KIF1B: variants seen among roughly 807,000 people sequenced by gnomAD.
KIF1B encodes the protein kinesin family member 1B.
KIF1B carries 76 observed loss-of-function variants against 241.9 expected under a neutral mutation model. The observed-to-expected ratio is 0.31, with a 90% confidence interval of 0.26 to 0.38. KIF1B has a LOEUF of 0.38. Ranked by LOEUF, KIF1B falls within the 10% of genes least tolerant of loss-of-function variation. The pLI is 1.00. For missense variants in KIF1B, 1,622 were observed against 2,271.4 expected (o/e 0.71, Z 5.81); for synonymous variants, 750 against 796.7 (o/e 0.94, Z 0.99).
At chr1:10,215,844 C>G (rs1469532500) in intron 1 of KIF1B, among the ~76,000 whole-genome samples, 1 of 152,188 alleles carries the variant, frequency 6.6e-6, no homozygotes, top group Non-Finnish European at 1.5e-5. Context: ...CCCCTGTGCC[C>G]AGCCCCATTG....
intron 7 of KIF1B, among the ~76,000 whole-genome samples, chr1:10,270,928 A>T (rs1310866201): frequency 2.0e-5 from 3 of 149,616 alleles, no homozygotes; most frequent in Non-Finnish European, 4.5e-5. Flanking sequence ...TCTGTCTCAA[A>T]AAAAAAAAAA....
intron 45 of KIF1B, 94 bp downstream of exon 45, chr1:10,371,356 A>G: frequency 1.4e-6 from 2 of 1,437,194 alleles, no homozygotes; most frequent in South Asian, 2.4e-5. Context: ...TGAAGGCAGC[A>G]CCTTCTCCCT....
At chr1:10,321,048 A>T (rs182919152) in intron 23 of KIF1B, among the ~76,000 whole-genome samples, 42 of 151,264 alleles carry the variant, frequency 2.8e-4, no homozygotes, top group Non-Finnish European at 5.7e-4. Context: ...TTCTCTCTGT[A>T]ACAGAAAAAA....
chr1:10,222,991 C>T (rs934734892), intron 1 of KIF1B, among the ~76,000 whole-genome samples: 14 of 152,178 alleles, frequency 9.2e-5, no homozygotes, highest in Non-Finnish European at 1.3e-4. Flanking sequence ...TGGTGGCTCA[C>T]GCCTGTAATC....
chr1:10,346,894 GC>G (rs1180690162), intron 35 of KIF1B, among the ~76,000 whole-genome samples: 1 of 152,086 alleles, frequency 6.6e-6, no homozygotes, highest in Non-Finnish European at 1.5e-5. Flanking sequence ...AGCATCCTTG[GC>G]CCCTACCCAC....
At chr1:10,295,192 T>G in intron 18 of KIF1B, 27 bp downstream of exon 18, 1 of 1,325,946 alleles carries the variant, frequency 7.5e-7, no homozygotes. Flanking sequence ...TTTTGGTCAC[T>G]TCGTGTGTTT....
intron 1 of KIF1B, among the ~76,000 whole-genome samples, chr1:10,225,663 G>A (rs1178769874): frequency 6.6e-6 from 1 of 152,158 alleles, no homozygotes; most frequent in Non-Finnish European, 1.5e-5. Flanking sequence ...AGGACACAGT[G>A]GGGAAAGGGA....
intron 22 of KIF1B, among the ~76,000 whole-genome samples, chr1:10,313,855 G>T (rs1414952519): frequency 2.7e-5 from 4 of 150,458 alleles, no homozygotes; most frequent in Admixed American, 2.6e-4. Context: ...TGGCCATTAG[G>T]ATTTCTTATA....
At position 10,271,392 on chromosome 1, in the gene KIF1B, T is replaced by G. The variant is rs41258245; in HGVS notation, c.721-110T>G. ...GTGCCATATTTAAAAGCTCTAATAC[T>G]TTTAGTTTTTTCCATACCTTAATCT... On this transcript the variant is annotated intron_variant, in intron 7 of 48. Transcript: ENST00000676179. 0.032 allele frequency: 26,386 copies of G among 816,210 alleles called. 572 individuals carry two copies. The highest frequency in any genetic ancestry group is 0.093 in the Middle Eastern group (415 of 4,474). The allele number at this position is 816,210 out of a possible 1,614,324, so 50.6% of individuals were successfully genotyped here.
intron 15 of KIF1B, 91 bp from the exon 16 acceptor site, chr1:10,290,991 T>C: frequency 1.0e-6 from 1 of 962,118 alleles, no homozygotes; most frequent in Non-Finnish European, 1.7e-6. Context: ...GCCTGTATCC[T>C]CAAAGGGCAT....
chr1:10,218,005 A>C (rs1646791225), intron 1 of KIF1B, among the ~76,000 whole-genome samples: 1 of 152,146 alleles, frequency 6.6e-6, no homozygotes, highest in Non-Finnish European at 1.5e-5. Flanking sequence ...GAAATGTGCA[A>C]GTCTTTCCTA....
chr1:10,297,132 C>CT (rs1650306218), intron 21 of KIF1B, 42 bp from the exon 22 acceptor site: 1 of 1,602,858 alleles, frequency 6.2e-7, no homozygotes, highest in African/African-American at 1.3e-5. Context: ...ACATGTAATA[C>CT]TAATAGCATT....
intron 4 of KIF1B, 89 bp downstream of exon 4, chr1:10,258,761 T>C: frequency 7.8e-7 from 1 of 1,287,222 alleles, no homozygotes; most frequent in Admixed American, 1.9e-5. Flanking sequence ...TGGCGAACAT[T>C]TATGCGGGGA....
intron 5 of KIF1B, among the ~76,000 whole-genome samples, chr1:10,264,446 G>T (rs1035200912): frequency 6.6e-6 from 1 of 152,180 alleles, no homozygotes; most frequent in African/African-American, 2.4e-5. Context: ...CTTTTACCTA[G>T]ATTATTTGGG....
intron 41 of KIF1B, 102 bp downstream of exon 41, chr1:10,363,446 C>T: frequency 1.0e-6 from 1 of 986,960 alleles, no homozygotes; most frequent in Non-Finnish European, 1.6e-6. Flanking sequence ...AATCCCAGCG[C>T]TTTGGGAGGC....
chr1:10,342,221 T>A, intron 33 of KIF1B, 53 bp downstream of exon 33: 1 of 1,097,646 alleles, frequency 9.1e-7, no homozygotes, highest in Non-Finnish European at 1.4e-6. Flanking sequence ...ATTTTTAGTT[T>A]CTCAATTGCT....
intron 22 of KIF1B, among the ~76,000 whole-genome samples, chr1:10,312,515 A>G (rs905260699): frequency 3.3e-5 from 5 of 151,550 alleles, no homozygotes; most frequent in Non-Finnish European, 7.3e-5. Flanking sequence ...ACCATGGTCT[A>G]TAAGGCCATC....
rs148877444 is a variant in KIF1B, at chr1:10,361,001, C to G, written c.4128C>G (p.Pro1376=). The change falls in exon 39 of 49, where the codon CCC becomes CCG. Residue 1376 remains proline (P), a synonymous_variant. Transcript: ENST00000676179. ...CCCTTCTTCTGAACCGAGTGACACC[C>G]TATGGAGAAAAGATCTACATGACCT... is the stretch of plus-strand genomic sequence containing the variant. ...HNSLLLNRVT[P]YGEKIYMTLS... The G allele has an allele frequency of 6.2e-7, 1 of 1,613,924 alleles. No individual in the cohort carries two copies. Among genetic ancestry groups the G allele is most frequent in the South Asian group, 1.1e-5 (1 of 91,066 alleles).
At chr1:10,355,147 G>A (rs1652930747) in intron 38 of KIF1B, among the ~76,000 whole-genome samples, 1 of 152,058 alleles carries the variant, frequency 6.6e-6, no homozygotes, top group South Asian at 2.1e-4. Flanking sequence ...TCTTATGTCT[G>A]GCATTTTCCT....
Sources: allele counts gnomAD v4.1 joint callset (sites outside exome capture counted in the v4.1 genomes callset), GRCh38; gene constraint gnomAD v4.1.1; transcripts MANE v1.5; gene names NCBI Gene and HGNC (gene_info 2026-07-23, HGNC 2026-07-21).